The following KIAA0586 variants were observed in gnomAD, a reference collection of about 807,000 sequenced individuals.
The protein encoded by KIAA0586 is KIAA0586.
Under a neutral mutation model 169.8 loss-of-function variants are expected in KIAA0586, and 144 were observed. The ratio of observed to expected loss-of-function variants is 0.85; its 90% CI spans 0.74 to 0.97. The LOEUF is 0.97. Among genes scored for constraint, KIAA0586 ranks in the 50% least tolerant of loss-of-function variants. KIAA0586 has a pLI of 0.00. For missense variants in KIAA0586, 1,854 were observed against 1,823.0 expected (o/e 1.02, Z -0.31); for synonymous variants, 625 against 612.4 (o/e 1.02, Z -0.30).
chr14:58,486,660 T>A (rs1187768366), intron 21 of KIAA0586, among the ~76,000 whole-genome samples: 1 of 152,152 alleles, frequency 6.6e-6, no homozygotes, highest in Non-Finnish European at 1.5e-5. Context: ...AAAATAAAAA[T>A]TTTAAAAACA....
intron 28 of KIAA0586, 139 bp downstream of exon 28, chr14:58,508,848 C>T (rs1033882318): frequency 4.5e-6 from 3 of 664,080 alleles, no homozygotes; most frequent in African/African-American, 1.8e-5. Context: ...TAACTCAAGT[C>T]TGAATATAAA....
At chr14:58,505,756 C>G (rs1185578475) in intron 27 of KIAA0586, among the ~76,000 whole-genome samples, 1 of 152,128 alleles carries the variant, frequency 6.6e-6, no homozygotes, top group Non-Finnish European at 1.5e-5. Flanking sequence ...CTTTTCCCAT[C>G]TGGGAGGTTC....
chr14:58,443,175 T>C (rs1215562288), intron 5 of KIAA0586, among the ~76,000 whole-genome samples: 1 of 152,196 alleles, frequency 6.6e-6, no homozygotes, highest in African/African-American at 2.4e-5. Context: ...GTTATTCTTA[T>C]TTGAGAGCTA....
Position 58,437,586 on chromosome 14 carries a change from A to C in KIAA0586, c.411-5120A>C, listed in dbSNP as rs10141154. Among the ~76,000 whole-genome samples, 880 of 150,690 alleles carry C rather than the reference A, an allele frequency of 5.8e-3. 10 individuals are homozygous for C. Among genetic ancestry groups the C allele is most frequent in the African/African-American group, 0.021 (844 of 40,970 alleles). On this transcript the variant is annotated intron_variant, in intron 4 of 30. Coordinates refer to ENST00000652326, the MANE Select transcript of KIAA0586 (RefSeq NM_001329943.3). ...GCCAGGTGGGGTGGCATGTGCTTGT[A>C]CTCCTCATTACTTGAGAGGCTGAGG...
At chr14:58,506,718 A>G (rs2043972468) in intron 27 of KIAA0586, among the ~76,000 whole-genome samples, 1 of 152,024 alleles carries the variant, frequency 6.6e-6, no homozygotes. Context: ...CAATAGATGT[A>G]TTTCGCTTTA....
rs902237416 is a variant in KIAA0586 at position 58,548,084 on chromosome 14, G to A, written c.*152G>A. ...AAATAAAACAAAAAGCATAATTTGGGTATTTAAAGTTTTTAAATAAAATAA... is the reference window on the plus strand; with the variant it reads ...AAATAAAACAAAAAGCATAATTTGGATATTTAAAGTTTTTAAATAAAATAA... On this transcript the variant is annotated 3_prime_UTR_variant, in exon 31 of 31. Coordinates refer to ENST00000652326, the MANE Select transcript of KIAA0586 (RefSeq NM_001329943.3). The A allele has an allele frequency of 5.1e-5, 46 of 900,698 alleles. No individual in the cohort carries two copies. In the Admixed American group the frequency reaches 8.4e-4, roughly 16 times the overall value. 55.8% of individuals were successfully genotyped at this position (900,698 alleles called of 1,614,324 possible).
At position 58,428,994 on chromosome 14, in the gene KIAA0586, G is replaced by A. The variant is rs374850946; in HGVS notation, c.200-369G>A. Among the ~76,000 whole-genome samples, 8 of 152,288 alleles carry A rather than the reference G, an allele frequency of 5.3e-5. 1 individual carries two copies. In the South Asian group the frequency reaches 6.2e-4, roughly 12 times the overall value. On this transcript the variant is annotated intron_variant, in intron 1 of 30. Coordinates refer to ENST00000652326, the MANE Select transcript of KIAA0586 (RefSeq NM_001329943.3). ...TGAGCAAAAACAGCAAAACGCTTTT[G>A]TAATGCTGTTCTTTGGGGGATACAG...
chr14:58,544,361 T>A (rs1375986180), intron 30 of KIAA0586, among the ~76,000 whole-genome samples: 2 of 152,190 alleles, frequency 1.3e-5, no homozygotes, highest in Non-Finnish European at 2.9e-5. Context: ...GTAGACTGAT[T>A]TATATTCCTC....
At chr14:58,466,594 A>T (rs1398995005) in intron 15 of KIAA0586, among the ~76,000 whole-genome samples, 1 of 151,978 alleles carries the variant, frequency 6.6e-6, no homozygotes. Context: ...GCTGGGCTTG[A>T]TGGCTAACAC....
intron 29 of KIAA0586, chr14:58,539,736 T>C (rs1595538775): frequency 5.1e-6 from 1 of 197,902 alleles, no homozygotes; most frequent in East Asian, 1.4e-4. Context: ...GGTAAGAGAA[T>C]CTGTGAAAAC....
chr14:58,467,905 C>T lies in KIAA0586; in HGVS notation c.2425C>T (p.Pro809Ser), dbSNP rs201629494. The change falls in exon 16 of 31, where the codon CCT (proline) becomes TCT (serine). Residue 809 changes from proline (P) to serine (S), a missense_variant. Pro to Ser is a moderately conservative substitution (Grantham distance 74). Coordinates refer to ENST00000652326, the MANE Select transcript of KIAA0586 (RefSeq NM_001329943.3). ...AATGAAGTCAGAAAAAAAGGATCCT[C>T]CTCAGCTTACTGTGCAGGTATGCCA... is the stretch of plus-strand genomic sequence containing the variant. ...VEMKSEKKDP[P>S]QLTVQVLPSV... The T allele has an allele frequency of 2.5e-6, 4 of 1,612,580 alleles. No individual in the cohort carries two copies. The highest frequency in any genetic ancestry group is 3.4e-6 in the Non-Finnish European group (4 of 1,179,358).
chr14:58,482,405 G>T (rs2042095458), intron 20 of KIAA0586, 108 bp from the exon 21 acceptor site: 1 of 832,128 alleles, frequency 1.2e-6, no homozygotes. Context: ...CAGCCTGGGT[G>T]ACAGAGTGAC....
chr14:58,554,181 T>C (rs909710917), downstream of KIAA0586, among the ~76,000 whole-genome samples: 1 of 151,976 alleles, frequency 6.6e-6, no homozygotes, highest in Non-Finnish European at 1.5e-5. Context: ...GCTTGTGTCA[T>C]ATTGCTAATG....
intron 14 of KIAA0586, chr14:58,463,906 C>A (rs1348292800): frequency 8.7e-6 from 3 of 344,148 alleles, no homozygotes; most frequent in Non-Finnish European, 5.7e-6. Context: ...AGGTGACGGT[C>A]TGAGACATCA....
chr14:58,484,918 A>T (rs371951476), intron 21 of KIAA0586, among the ~76,000 whole-genome samples: 9 of 7,428 alleles, frequency 1.2e-3, no homozygotes, highest in African/African-American at 3.0e-3. Context: ...ATATATATAT[A>T]TATATATTTT....
intron 14 of KIAA0586, chr14:58,464,118 G>A (rs546198879): frequency 3.8e-5 from 15 of 397,060 alleles, no homozygotes; most frequent in South Asian, 2.6e-4. Context: ...AGGCTGGGCT[G>A]GAAGAACTGG....
chr14:58,552,810 C>T (rs1423133178), downstream of KIAA0586, among the ~76,000 whole-genome samples: 4 of 152,206 alleles, frequency 2.6e-5, no homozygotes, highest in South Asian at 6.2e-4. Flanking sequence ...GCCCACTGGC[C>T]CCATAATTAA....
intron 30 of KIAA0586, among the ~76,000 whole-genome samples, chr14:58,545,974 C>T (rs1025206922): frequency 6.6e-6 from 1 of 152,046 alleles, no homozygotes; most frequent in African/African-American, 2.4e-5. Context: ...GTTGAGGCTG[C>T]AGTGAGCCAT....
In KIAA0586 at chr14:58,467,931, G is replaced by A. The variant is rs1490718693; in HGVS notation, c.2442+9G>A. On this transcript the variant is annotated intron_variant, in intron 16 of 30. Coordinates refer to ENST00000652326, the MANE Select transcript of KIAA0586 (RefSeq NM_001329943.3). Reference sequence around the variant, plus strand: ...CTCAGCTTACTGTGCAGGTATGCCAGGGTGCATGAGTAGAAAATTTTAAGG... The same window carrying A: ...CTCAGCTTACTGTGCAGGTATGCCAAGGTGCATGAGTAGAAAATTTTAAGG... The A allele has an allele frequency of 2.5e-6, 4 of 1,569,142 alleles. No homozygotes were observed. The South Asian group carries it at 4.8e-5, about 19-fold the overall frequency.
Sources: gnomAD v4.1 joint callset for allele counts (sites outside exome capture counted in the v4.1 genomes callset) on GRCh38, gnomAD v4.1.1 for gene constraint, MANE v1.5 for transcripts, NCBI Gene and HGNC (gene_info 2026-07-23, HGNC 2026-07-21) for gene names.